The following TNN variants were observed in gnomAD, a reference collection of about 807,000 sequenced individuals.
TNN encodes the protein tenascin-N.
Under a neutral mutation model 134.4 loss-of-function variants are expected in TNN, and 122 were observed. The ratio of observed to expected loss-of-function variants is 0.91; its 90% CI spans 0.78 to 1.06. TNN has a LOEUF of 1.06. Among genes scored for constraint, TNN ranks in the 50% least tolerant of loss-of-function variants. TNN has a pLI of 0.00. For missense variants in TNN, 1,739 were observed against 1,699.4 expected (o/e 1.02, Z -0.41); for synonymous variants, 710 against 670.3 (o/e 1.06, Z -0.91).
rs77676770 is a variant in TNN at position 175,140,379 on chromosome 1, C to A, written c.3595+3391C>A. Among the ~76,000 whole-genome samples the A allele has an allele frequency of 4.1e-3, 628 of 152,300 alleles. 8 individuals carry two copies. The highest frequency in any genetic ancestry group is 0.014 in the African/African-American group (601 of 41,550). ...TATGAAGTGGGTGTTTTTCTTTGGC[C>A]CGTGTGCCCCACATCTCTCCCTGAA... On this transcript the variant is annotated intron_variant, in intron 17 of 18. Transcript: ENST00000239462.
chr1:175,085,322 G>A (rs1210825778), intron 5 of TNN, 83 bp from the exon 6 acceptor site: 4 of 874,020 alleles, frequency 4.6e-6, no homozygotes, highest in Admixed American at 2.0e-5. Flanking sequence ...CTTCCCTCAC[G>A]GGAGAAATCC....
Position 175,102,705 on chromosome 1 carries a change from G to A in TNN, c.2119+4110G>A, listed in dbSNP as rs1041255088. Among the ~76,000 whole-genome samples the A allele has an allele frequency of 1.4e-5, 2 of 146,184 alleles. 1 individual carries two copies. Among genetic ancestry groups the A allele is most frequent in the Non-Finnish European group, 3.0e-5 (2 of 65,742 alleles). ...CTCCCTCCACACCTCCCCGCAAGCT[G>A]AGGGAGTGGGCTCCAGCCTTGGCCA... On this transcript the variant is annotated intron_variant, in intron 9 of 18. Coordinates refer to ENST00000239462, the MANE Select transcript of TNN (RefSeq NM_022093.2).
chr1:175,071,363 G>A (rs1215553035), intron 1 of TNN, among the ~76,000 whole-genome samples: 2 of 152,126 alleles, frequency 1.3e-5, no homozygotes, highest in African/African-American at 2.4e-5. Context: ...AGGATTCAGG[G>A]GCCATCCTCC....
intron 7 of TNN, 32 bp from the exon 8 acceptor site, chr1:175,097,385 G>A (rs765316527): frequency 3.7e-6 from 6 of 1,612,906 alleles, no homozygotes; most frequent in Non-Finnish European, 5.1e-6. Context: ...GGGTGGTAAA[G>A]GCTACATTCT....
intron 17 of TNN, among the ~76,000 whole-genome samples, chr1:175,140,274 C>T (rs1303381512): frequency 6.6e-6 from 1 of 152,216 alleles, no homozygotes; most frequent in Admixed American, 6.5e-5. Flanking sequence ...TGATCATGGC[C>T]ATCGGTTAGC....
chr1:175,079,465 G>T lies in TNN; in HGVS notation c.542G>T (p.Cys181Phe). Reference sequence around the variant, plus strand: ...GGGGCGTGCAGCGGCCACGGGCGTTGCGTGGACGGGCGCTGCCTGTGCCAT... The same window carrying T: ...GGGGCGTGCAGCGGCCACGGGCGTTTCGTGGACGGGCGCTGCCTGTGCCAT... Reference protein sequence around the residue: ...CPGACSGHGRCVDGRCLCHEP... With the variant: ...CPGACSGHGRFVDGRCLCHEP... Residue 181 changes from cysteine to phenylalanine, a missense_variant, in exon 3 of 19, where the codon TGC (cysteine) becomes TTC (phenylalanine). Transcript: ENST00000239462. The T allele has an allele frequency of 6.4e-7, 1 of 1,563,756 alleles. No homozygotes were observed.
intron 16 of TNN, among the ~76,000 whole-genome samples, chr1:175,136,506 C>A (rs1675816342): frequency 6.6e-6 from 1 of 152,134 alleles, no homozygotes; most frequent in Non-Finnish European, 1.5e-5. Context: ...GAGTCGTTGA[C>A]CTGCTCTCCT....
chr1:175,072,926 CTTT>C (rs60879960), intron 1 of TNN, among the ~76,000 whole-genome samples: 33 of 46,768 alleles, frequency 7.1e-4, no homozygotes, highest in African/African-American at 2.8e-3. Context: ...GAGTCCACGG[CTTT>C]TTTTTTTTTT....
chr1:175,075,112 T>A (rs1389801772), intron 1 of TNN, among the ~76,000 whole-genome samples: 2 of 152,250 alleles, frequency 1.3e-5, no homozygotes, highest in Non-Finnish European at 2.9e-5. Flanking sequence ...TTTCATGCTA[T>A]TGTGATTCTT....
At chr1:175,077,246 T>G in intron 1 of TNN, 138 bp from the exon 2 acceptor site, 1 of 708,026 alleles carries the variant, frequency 1.4e-6, no homozygotes, top group East Asian at 2.5e-5. Flanking sequence ...GTAATTTGGT[T>G]CGGATCCTTG....
chr1:175,109,597 G>C (rs1674967827), intron 9 of TNN, among the ~76,000 whole-genome samples: 1 of 151,284 alleles, frequency 6.6e-6, no homozygotes, highest in African/African-American at 2.4e-5. Context: ...GATCTGTGTT[G>C]CTGCAAAGGA....
chr1:175,094,400 A>G, intron 7 of TNN, 147 bp downstream of exon 7: 1 of 640,012 alleles, frequency 1.6e-6, no homozygotes, highest in Non-Finnish European at 2.4e-6. Flanking sequence ...GATTTTCATA[A>G]TTATATATAT....
At chr1:175,105,206 T>C (rs1674818385) in intron 9 of TNN, among the ~76,000 whole-genome samples, 1 of 146,194 alleles carries the variant, frequency 6.8e-6, no homozygotes, top group Non-Finnish European at 1.5e-5. Context: ...CCCTAGACCC[T>C]GTAGGACATC....
At position 175,128,685 on chromosome 1, in the gene TNN, G is replaced by A; in HGVS notation, c.3269G>A (p.Gly1090Asp). The part of the protein sequence containing the change: ...ASGLYTIYLH[G>D]DASRPLQVYC... ...GGTCTGTACACCATCTACCTGCATG[G>A]CGATGCCAGCCGGCCCCTGCAGGTG... The change falls in exon 15 of 19, where the codon GGC becomes GAC. Residue 1090 changes from glycine to aspartate, a missense_variant. Gly to Asp is a moderately conservative substitution (Grantham distance 94). Coordinates refer to ENST00000239462, the MANE Select transcript of TNN (RefSeq NM_022093.2). 1 of 1,614,032 alleles carries A rather than the reference G, an allele frequency of 6.2e-7. No homozygotes were observed. The highest frequency in any genetic ancestry group is 1.7e-5 in the Admixed American group (1 of 60,000).
At chr1:175,123,719 C>T in intron 12 of TNN, 56 bp downstream of exon 12, 10 of 1,601,120 alleles carry the variant, frequency 6.2e-6, no homozygotes, top group Non-Finnish European at 8.5e-7. Flanking sequence ...AGAGAACCTT[C>T]CTCCATCAGT....
At chr1:175,077,090 G>A (rs1674058928) in intron 1 of TNN, among the ~76,000 whole-genome samples, 3 of 152,180 alleles carry the variant, frequency 2.0e-5, no homozygotes, top group African/African-American at 7.2e-5. Flanking sequence ...ACAATAGGCT[G>A]TCAACACAAG....
intron 17 of TNN, among the ~76,000 whole-genome samples, chr1:175,143,518 G>GGGGTGTGT (rs1553321065): frequency 6.1e-5 from 9 of 148,642 alleles, no homozygotes; most frequent in East Asian, 2.1e-4. Context: ...TTTGTGTGTA[G>GGGGTGTGT]GTGTGTGTGT....
rs2072036 is a variant in TNN, at chr1:175,136,860, C to A, written c.3467C>A (p.Ala1156Glu). The change falls in exon 17 of 19, where the codon GCG (alanine) becomes GAG (glutamate). Residue 1156 changes from alanine to glutamate, a missense_variant. Transcript: ENST00000239462. ...KLHNLTTGTP[A>E]RYEVRVDLQT... is the part of the protein sequence containing the mutation. Reference sequence around the variant, plus strand: ...CACAACCTCACCACCGGCACTCCAGCGCGGTATGAGGTGAGAGTGGATTTA... The same window carrying A: ...CACAACCTCACCACCGGCACTCCAGAGCGGTATGAGGTGAGAGTGGATTTA... 3.1e-6 allele frequency: 5 copies of A among 1,613,912 alleles called. No individual in the cohort carries two copies. The highest frequency in any genetic ancestry group is 1.3e-5 in the African/African-American group (1 of 74,912).
intron 15 of TNN, among the ~76,000 whole-genome samples, chr1:175,132,340 G>A (rs1050638735): frequency 1.3e-5 from 2 of 152,182 alleles, no homozygotes; most frequent in South Asian, 2.1e-4. Context: ...CTGGATACTC[G>A]CTTTTCTGGA....
Sources: gnomAD v4.1 joint callset for allele counts (sites outside exome capture counted in the v4.1 genomes callset) on GRCh38, gnomAD v4.1.1 for gene constraint, MANE v1.5 for transcripts, NCBI Gene and HGNC (gene_info 2026-07-23, HGNC 2026-07-21) for gene names.